Variants in OXR1 observed in about 807,000 individuals in gnomAD.
OXR1 encodes the protein oxidation resistance protein 1.
Under a neutral mutation model 104.6 loss-of-function variants are expected in OXR1, and 41 were observed. The ratio of observed to expected loss-of-function variants is 0.39; its 90% CI spans 0.31 to 0.51. The LOEUF is 0.51. OXR1 is among the 20% of genes least tolerant of loss of function. The pLI is 0.77. For missense variants in OXR1, 955 were observed against 1,031.9 expected, an observed-to-expected ratio of 0.93 and a Z score of 1.02; for synonymous variants, 348 against 348.4, an observed-to-expected ratio of 1.00 and a Z score of 0.01.
intron 2 of OXR1, among the ~76,000 whole-genome samples, chr8:106,402,085 G>A (rs1357126838): frequency 6.6e-6 from 1 of 152,174 alleles, no homozygotes; most frequent in Non-Finnish European, 1.5e-5. Context: ...ACTAGGGGAT[G>A]TGTTAATTTC....
intron 1 of OXR1, among the ~76,000 whole-genome samples, chr8:106,284,440 G>A (rs564933335): frequency 6.6e-6 from 1 of 152,076 alleles, no homozygotes; most frequent in Non-Finnish European, 1.5e-5. Context: ...GTGAGGCTAA[G>A]GATTTTGGTC....
intron 2 of OXR1, among the ~76,000 whole-genome samples, 182 bp from the exon 3 acceptor site, chr8:106,518,761 T>C (rs1813044061): frequency 6.6e-6 from 1 of 152,232 alleles, no homozygotes; most frequent in Non-Finnish European, 1.5e-5. Context: ...TTTTTCCTTC[T>C]AGTTTCAAAA....
chr8:106,656,562 G>A (rs1319332132), intron 3 of OXR1, among the ~76,000 whole-genome samples: 3 of 152,134 alleles, frequency 2.0e-5, no homozygotes, highest in African/African-American at 7.2e-5. Context: ...TACAAAATAG[G>A]TCCTTAGGAA....
At chr8:106,656,505 C>T (rs1825095637) in intron 3 of OXR1, 1 of 152,220 alleles carries the variant, frequency 6.6e-6, no homozygotes. Context: ...AGGATTTTAA[C>T]AAATGAATTT....
intron 11 of OXR1, chr8:106,726,367 T>TAGG: frequency 5.8e-6 from 5 of 861,022 alleles, no homozygotes; most frequent in Admixed American, 3.2e-5. Context: ...ATGGTGACAT[T>TAGG]ATGAAAAATT....
intron 2 of OXR1, among the ~76,000 whole-genome samples, chr8:106,448,990 A>G (rs1018992727): frequency 7.2e-5 from 11 of 152,094 alleles, no homozygotes; most frequent in African/African-American, 2.7e-4. Flanking sequence ...AGGTAAGAAA[A>G]ACACAATTTT....
intron 2 of OXR1, among the ~76,000 whole-genome samples, chr8:106,480,756 G>C (rs1822065359): frequency 6.6e-6 from 1 of 151,882 alleles, no homozygotes; most frequent in Non-Finnish European, 1.5e-5. Flanking sequence ...TAAGATTTCT[G>C]AGCCTTAAAT....
intron 4 of OXR1, among the ~76,000 whole-genome samples, chr8:106,679,698 T>TGTGTATTA (rs1827959183): frequency 6.6e-6 from 1 of 151,996 alleles, no homozygotes; most frequent in African/African-American, 2.4e-5. Flanking sequence ...CAGTATAACC[T>TGTGTATTA]TCCACATTAA....
At chr8:106,376,988 G>A (rs573726783) in intron 2 of OXR1, among the ~76,000 whole-genome samples, 1 of 152,002 alleles carries the variant, frequency 6.6e-6, no homozygotes, top group Non-Finnish European at 1.5e-5. Context: ...AACTGTATAT[G>A]CTATGTCTAA....
intron 1 of OXR1, among the ~76,000 whole-genome samples, chr8:106,326,420 T>G (rs1331887511): frequency 6.6e-6 from 1 of 152,252 alleles, no homozygotes; most frequent in Non-Finnish European, 1.5e-5. Flanking sequence ...AAAGTGACTC[T>G]TGTTTTCCAA....
intron 7 of OXR1, chr8:106,697,595 C>A: frequency 6.2e-7 from 1 of 1,611,972 alleles, no homozygotes. Context: ...AGCCCATCAT[C>A]CCAGGCTACT....
At chr8:106,370,402 C>A (rs1444255629) in intron 2 of OXR1, among the ~76,000 whole-genome samples, 1 of 152,140 alleles carries the variant, frequency 6.6e-6, no homozygotes, top group Non-Finnish European at 1.5e-5. Context: ...CTTTCTCTTG[C>A]CTGATTGCCC....
chr8:106,407,278 T>C (rs1409599092), intron 2 of OXR1, among the ~76,000 whole-genome samples: 3 of 152,210 alleles, frequency 2.0e-5, no homozygotes, highest in Non-Finnish European at 4.4e-5. Context: ...AGTGTAATAA[T>C]GCTGGGATTT....
At chr8:106,532,434 G>C (rs1357183092) in intron 3 of OXR1, among the ~76,000 whole-genome samples, 2 of 152,124 alleles carry the variant, frequency 1.3e-5, no homozygotes, top group Non-Finnish European at 2.9e-5. Flanking sequence ...CTGGACTTCT[G>C]ATTTTCATGA....
intron 3 of OXR1, among the ~76,000 whole-genome samples, chr8:106,592,137 C>T (rs760315429): frequency 6.6e-6 from 1 of 152,176 alleles, no homozygotes; most frequent in East Asian, 1.9e-4. Context: ...TCCTGCTTTA[C>T]CATATTGCCT....
chr8:106,697,639 A>C (rs143451027), intron 7 of OXR1: 1 of 1,613,940 alleles, frequency 6.2e-7, no homozygotes, highest in Admixed American at 1.7e-5. Flanking sequence ...CGTCCGCTGC[A>C]CACAGGCCAT....
At chr8:106,633,666 A>G (rs1008354990) in intron 3 of OXR1, among the ~76,000 whole-genome samples, 9 of 152,176 alleles carry the variant, frequency 5.9e-5, no homozygotes, top group Non-Finnish European at 1.0e-4. Context: ...CTCTGTGCTG[A>G]TAGAATTTAT....
chr8:106,440,117 T>C (rs1236198533), intron 2 of OXR1, among the ~76,000 whole-genome samples: 1 of 152,026 alleles, frequency 6.6e-6, no homozygotes, highest in Non-Finnish European at 1.5e-5. Flanking sequence ...TCCTCAGCGG[T>C]GGGACTGCGT....
At chr8:106,394,629 A>G (rs1441786699) in intron 2 of OXR1, among the ~76,000 whole-genome samples, 2 of 152,168 alleles carry the variant, frequency 1.3e-5, no homozygotes, top group Admixed American at 1.3e-4. Flanking sequence ...TTTTAACAAT[A>G]TCATGGATGA....
Sources: allele counts gnomAD v4.1 joint callset (sites outside exome capture counted in the v4.1 genomes callset), GRCh38; gene constraint gnomAD v4.1.1; transcripts MANE v1.5; gene names NCBI Gene and HGNC (gene_info 2026-07-23, HGNC 2026-07-21).